CIMIP2C: variants seen among roughly 807,000 people sequenced by gnomAD.
CIMIP2C encodes the protein UPF0573 protein C2orf70.
chr2:26,576,146 C>T, the CIMIP2C span: 16 of 1,613,930 alleles, frequency 9.9e-6, no homozygotes, highest in Admixed American at 8.3e-5. Context: ...GGACAGCCAT[C>T]GCTCCACAGA....
the CIMIP2C span, chr2:26,577,738 TGCCCTAAAACGTGCA>T: frequency 1.2e-6 from 1 of 814,876 alleles, no homozygotes; most frequent in Non-Finnish European, 2.0e-6. Flanking sequence ...TTGAGGATCT[TGCCCTAAAACGTGCA>T]GTGCAGAGAG....
chr2:26,577,517 T>C, the CIMIP2C span: 187 of 1,613,504 alleles, frequency 1.2e-4, 2 homozygotes, highest in Admixed American at 3.1e-3. Flanking sequence ...GAACCATAGA[T>C]GGTCCAGCAG....
At chr2:26,574,060 G>A in the CIMIP2C span, among the ~76,000 whole-genome samples, 43 of 152,362 alleles carry the variant, frequency 2.8e-4, no homozygotes, top group African/African-American at 1.0e-3. Flanking sequence ...CGTTCTGTTG[G>A]TGAGGAGACC....
chr2:26,570,705 G>A, the CIMIP2C span, among the ~76,000 whole-genome samples: 1 of 152,234 alleles, frequency 6.6e-6, no homozygotes, highest in Non-Finnish European at 1.5e-5. Flanking sequence ...CCCAGAGACT[G>A]GGAGTAACGC....
the CIMIP2C span, chr2:26,577,532 G>C: frequency 1.9e-6 from 3 of 1,614,054 alleles, no homozygotes; most frequent in Non-Finnish European, 8.5e-7. Context: ...CAGCAGCATC[G>C]GAAGTACTAT....
the CIMIP2C span, among the ~76,000 whole-genome samples, chr2:26,567,327 C>T: frequency 6.6e-6 from 1 of 152,320 alleles, no homozygotes; most frequent in South Asian, 2.1e-4. Flanking sequence ...ATAAGGGGCT[C>T]CCCATTTGTT....
chr2:26,566,249 C>A, the CIMIP2C span, among the ~76,000 whole-genome samples: 1 of 152,200 alleles, frequency 6.6e-6, no homozygotes, highest in Admixed American at 6.5e-5. Flanking sequence ...TGCCTCCCAG[C>A]CCCTCTCTCT....
At chr2:26,568,699 G>A in the CIMIP2C span, among the ~76,000 whole-genome samples, 2 of 152,186 alleles carry the variant, frequency 1.3e-5, no homozygotes, top group African/African-American at 4.8e-5. Context: ...TAATAAGAAA[G>A]AATATTCCAG....
At chr2:26,565,063 C>T in the CIMIP2C span, among the ~76,000 whole-genome samples, 3 of 144,260 alleles carry the variant, frequency 2.1e-5, no homozygotes, top group Non-Finnish European at 3.0e-5. Context: ...CCTTCTTCTT[C>T]CCCTTCCCCT....
chr2:26,570,990 C>T, the CIMIP2C span, among the ~76,000 whole-genome samples: 1 of 152,048 alleles, frequency 6.6e-6, no homozygotes, highest in Non-Finnish European at 1.5e-5. Context: ...CAGTTTCTGG[C>T]TTAGGTGGAG....
At chr2:26,579,258 C>A in the CIMIP2C span, 1 of 1,604,652 alleles carries the variant, frequency 6.2e-7, no homozygotes, top group African/African-American at 1.3e-5. Context: ...CCTTCCCTGG[C>A]ACACTGCATA....
At chr2:26,577,753 A>C in the CIMIP2C span, 3 of 681,662 alleles carry the variant, frequency 4.4e-6, no homozygotes, top group Admixed American at 8.4e-5. Context: ...TAAAACGTGC[A>C]GTGCAGAGAG....
the CIMIP2C span, among the ~76,000 whole-genome samples, chr2:26,563,598 C>T: frequency 6.6e-6 from 1 of 152,102 alleles, no homozygotes; most frequent in Non-Finnish European, 1.5e-5. Flanking sequence ...ATCCTAAGAA[C>T]CCTTGTCTGA....
the CIMIP2C span, among the ~76,000 whole-genome samples, chr2:26,564,769 C>T: frequency 1.4e-4 from 22 of 152,346 alleles, no homozygotes; most frequent in African/African-American, 4.8e-4. Flanking sequence ...CATCACCCTG[C>T]TCTTACCTGC....
chr2:26,573,440 A>G, the CIMIP2C span, among the ~76,000 whole-genome samples: 1 of 152,236 alleles, frequency 6.6e-6, no homozygotes, highest in Admixed American at 6.5e-5. Flanking sequence ...AGATGACGGA[A>G]GAAGGGCAGA....
chr2:26,576,228 C>A, the CIMIP2C span: 7 of 1,566,098 alleles, frequency 4.5e-6, no homozygotes, highest in African/African-American at 8.1e-5. Context: ...CCTGCCCCCA[C>A]CACGGGAAGG....
the CIMIP2C span, chr2:26,562,675 A>T: frequency 2.5e-5 from 40 of 1,575,450 alleles, no homozygotes; most frequent in Non-Finnish European, 8.6e-7. Context: ...TGCCCCCTGG[A>T]CTCATGCCCG....
chr2:26,567,795 G>A, the CIMIP2C span, among the ~76,000 whole-genome samples: 1 of 152,172 alleles, frequency 6.6e-6, no homozygotes, highest in South Asian at 2.1e-4. Context: ...CTGTGTTCGG[G>A]CCCCATCTAG....
chr2:26,572,132 C>G, the CIMIP2C span: 2 of 1,545,122 alleles, frequency 1.3e-6, no homozygotes, highest in Non-Finnish European at 1.7e-6. Flanking sequence ...TGGGTTGACT[C>G]TGATTTAAAG....
Sources: allele counts gnomAD v4.1 joint callset (sites outside exome capture counted in the v4.1 genomes callset), GRCh38; gene constraint gnomAD v4.1.1; transcripts MANE v1.5; gene names NCBI Gene and HGNC (gene_info 2026-07-23, HGNC 2026-07-21).